The following MVB12B variants were observed in gnomAD, a reference collection of about 807,000 sequenced individuals.
The protein encoded by MVB12B is ESCRT-I complex subunit MVB12B.
A neutral mutation model predicts 41.6 loss-of-function variants in MVB12B; 16 were observed. The ratio of observed to expected loss-of-function variants is 0.38; its 90% CI spans 0.26 to 0.58. The LOEUF (loss-of-function observed/expected upper bound fraction) is 0.58, where lower values mean the gene tolerates loss of function less well. Ranked by LOEUF, MVB12B falls within the 20% of genes least tolerant of loss-of-function variation. The pLI is 0.62. For missense variants in MVB12B, 274 were observed against 380.2 expected, an observed-to-expected ratio of 0.72 and a Z score of 2.32; for synonymous variants, 133 against 139.7, an observed-to-expected ratio of 0.95 and a Z score of 0.34.
intron 7 of MVB12B, among the ~76,000 whole-genome samples, chr9:126,428,092 T>A (rs1327567602): frequency 6.6e-6 from 1 of 152,164 alleles, no homozygotes; most frequent in Non-Finnish European, 1.5e-5. Context: ...GTCAAGTCAG[T>A]GTCCATCATC....
In MVB12B at chr9:126,470,646, C is replaced by CTTTGTGTG. The variant is rs1554783715; in HGVS notation, c.758-10722_758-10721insTTGTGTGT. Among the ~76,000 whole-genome samples, 3 of 143,620 alleles carry CTTTGTGTG rather than the reference C, an allele frequency of 2.1e-5. No homozygotes were observed. In the East Asian group the frequency reaches 6.1e-4, roughly 29 times the overall value. 94.2% of individuals were successfully genotyped at this position (143,620 alleles called of 152,430 possible). On this transcript the variant is annotated intron_variant, in intron 7 of 9. Coordinates refer to ENST00000361171, the MANE Select transcript of MVB12B (RefSeq NM_033446.3). ...GGGGAGCCTAGGAGGAGTCAGTGCTCTGTGTGTGTGTGTGTGTGTGTGTGT... is the reference window on the plus strand; with the variant it reads ...GGGGAGCCTAGGAGGAGTCAGTGCTCTTTGTGTGTGTGTGTGTGTGTGTGTGTGTGTGT...
At chr9:126,463,734 G>T (rs1452553721) in intron 7 of MVB12B, among the ~76,000 whole-genome samples, 4 of 152,200 alleles carry the variant, frequency 2.6e-5, no homozygotes, top group Non-Finnish European at 4.4e-5. Context: ...TCTCTTGAGG[G>T]TGCTCAGGTC....
At chr9:126,442,541 A>T (rs1832665705) in intron 7 of MVB12B, among the ~76,000 whole-genome samples, 1 of 152,184 alleles carries the variant, frequency 6.6e-6, no homozygotes, top group Non-Finnish European at 1.5e-5. Flanking sequence ...ACTGTTTTGT[A>T]AAATGGAACT....
At chr9:126,398,428 T>C (rs567904068) in intron 6 of MVB12B, among the ~76,000 whole-genome samples, 1 of 152,206 alleles carries the variant, frequency 6.6e-6, no homozygotes, top group African/African-American at 2.4e-5. Context: ...ATGTAGAAAG[T>C]ATGAAAAAAC....
chr9:126,404,896 C>T (rs1326034360), intron 6 of MVB12B, among the ~76,000 whole-genome samples: 5 of 152,168 alleles, frequency 3.3e-5, no homozygotes, highest in Admixed American at 6.5e-5. Context: ...GAGCGGCGGC[C>T]GCTCTTGGAC....
rs1830805745 is a variant in MVB12B at position 126,386,724 on chromosome 9, G to C, written c.409+66G>C. On this transcript the variant is annotated intron_variant, in intron 4 of 9. Transcript: ENST00000361171. The surrounding 1 kb of genome is among the most constrained non-coding windows in gnomAD (Gnocchi z 4.3). ...TCTTCCTCCAGGTATATTTGTAGGT[G>C]TTTTTCTATGTGCATTTTTCTTCAG... 2 of 1,185,708 alleles carry C rather than the reference G, an allele frequency of 1.7e-6. No homozygotes were observed. The highest frequency in any genetic ancestry group is 2.5e-6 in the Non-Finnish European group (2 of 803,424). The allele number at this position is 1,185,708 out of a possible 1,614,324, so 73.4% of individuals were successfully genotyped here.
At chr9:126,336,149 G>A (rs1829269144) in intron 1 of MVB12B, among the ~76,000 whole-genome samples, 2 of 152,250 alleles carry the variant, frequency 1.3e-5, no homozygotes, top group African/African-American at 2.4e-5. Flanking sequence ...ACACCCCGCT[G>A]CTGGAAGAGC....
chr9:126,455,185 T>G (rs1294214129), intron 7 of MVB12B, among the ~76,000 whole-genome samples: 2 of 151,742 alleles, frequency 1.3e-5, no homozygotes, highest in Non-Finnish European at 2.9e-5. Flanking sequence ...ATTTTTTATT[T>G]TATTTTATTT....
chr9:126,426,128 G>A (rs1265115823), intron 7 of MVB12B, among the ~76,000 whole-genome samples: 3 of 152,216 alleles, frequency 2.0e-5, no homozygotes, highest in Non-Finnish European at 4.4e-5. Flanking sequence ...TCCAATGGCA[G>A]AGTTAGGTGT....
At chr9:126,444,846 A>G (rs1418423429) in intron 7 of MVB12B, among the ~76,000 whole-genome samples, 2 of 152,210 alleles carry the variant, frequency 1.3e-5, no homozygotes, top group Admixed American at 6.5e-5. Flanking sequence ...TCTTTTAACC[A>G]ACTCATTTGG....
chr9:126,365,394 G>A (rs552496172), intron 2 of MVB12B, among the ~76,000 whole-genome samples: 11 of 147,182 alleles, frequency 7.5e-5, no homozygotes, highest in African/African-American at 2.8e-4. Flanking sequence ...GTGCAATGGT[G>A]CAATCTTAGC....
intron 8 of MVB12B, 139 bp from the exon 9 acceptor site, chr9:126,483,834 A>T: frequency 1.2e-6 from 1 of 843,602 alleles, no homozygotes; most frequent in Non-Finnish European, 2.0e-6. Context: ...AGTCCCACTG[A>T]CTGTCTTCCT....
intron 1 of MVB12B, among the ~76,000 whole-genome samples, chr9:126,334,193 C>T (rs998172734): frequency 2.6e-5 from 4 of 152,144 alleles, no homozygotes; most frequent in Admixed American, 1.3e-4. Context: ...TCACTGTTCA[C>T]GCGCCAGGCC....
rs191257921 is a variant in MVB12B, at chr9:126,409,226, C to A, written c.663-12628C>A. On this transcript the variant is annotated intron_variant, in intron 6 of 9. Transcript: ENST00000361171. ...GATTTAGCCACACGGTGCAGATGAT[C>A]CAAAATACAGCCTTGAAAACATTTT... is the stretch of plus-strand genomic sequence containing the variant. Among the ~76,000 whole-genome samples, 37 of 151,876 alleles carry A rather than the reference C, an allele frequency of 2.4e-4. 2 individuals are homozygous for A. The highest frequency in any genetic ancestry group is 2.2e-3 in the Admixed American group (34 of 15,256).
intron 2 of MVB12B, among the ~76,000 whole-genome samples, chr9:126,373,308 G>A (rs902165035): frequency 6.6e-6 from 1 of 152,198 alleles, no homozygotes; most frequent in African/African-American, 2.4e-5. Context: ...GGGAGTCCAC[G>A]GATGGTTGGA....
intron 7 of MVB12B, among the ~76,000 whole-genome samples, chr9:126,474,566 C>A (rs1301662901): frequency 6.6e-6 from 1 of 152,208 alleles, no homozygotes; most frequent in Non-Finnish European, 1.5e-5. Flanking sequence ...ACCCAACACA[C>A]AAAATCCCTC....
chr9:126,389,512 A>G lies in MVB12B; in HGVS notation c.410-2554A>G, dbSNP rs1180069739. On this transcript the variant is annotated intron_variant, in intron 4 of 9. Transcript: ENST00000361171. This position sits in a 1 kb window ranked among gnomAD's most constrained non-coding sequence, Gnocchi z 4.4. ...TCTATTGACTATGTATAATATGTTT[A>G]CTTAAAATTAGGCCTGCTTAAGCAT... is the stretch of plus-strand genomic sequence containing the variant. Among the ~76,000 whole-genome samples, 2 of 152,184 alleles carry G rather than the reference A, an allele frequency of 1.3e-5. No homozygotes were observed. The highest frequency in any genetic ancestry group is 2.9e-5 in the Non-Finnish European group (2 of 68,030).
chr9:126,463,483 C>T (rs986454929), intron 7 of MVB12B, among the ~76,000 whole-genome samples: 1 of 152,224 alleles, frequency 6.6e-6, no homozygotes, highest in Admixed American at 6.5e-5. Flanking sequence ...CGAATGCACT[C>T]AAGTGGTACC....
chr9:126,421,514 C>A (rs1832017647), intron 6 of MVB12B, among the ~76,000 whole-genome samples: 1 of 152,216 alleles, frequency 6.6e-6, no homozygotes, highest in African/African-American at 2.4e-5. Flanking sequence ...TACGGTCTTG[C>A]TGGTGCATTT....
Sources: allele counts gnomAD v4.1 joint callset (sites outside exome capture counted in the v4.1 genomes callset), GRCh38; gene constraint gnomAD v4.1.1; non-coding constraint Gnocchi (gnomAD v3.1); transcripts MANE v1.5; gene names NCBI Gene and HGNC (gene_info 2026-07-23, HGNC 2026-07-21).